Variants in MTMR2 observed in about 807,000 individuals in gnomAD.
The protein encoded by MTMR2 is myotubularin related protein 2.
MTMR2 carries 55 observed loss-of-function variants against 86.9 expected under a neutral mutation model. The observed-to-expected ratio is 0.63, with a 90% CI of 0.51 to 0.79. MTMR2 has a LOEUF of 0.79. Among genes scored for constraint, MTMR2 ranks in the 30% least tolerant of loss-of-function variants. MTMR2 has a pLI of 0.00. For missense variants in MTMR2, 659 were observed against 772.3 expected (o/e 0.85, Z 1.74); for synonymous variants, 241 against 266.8 (o/e 0.90, Z 0.94).
chr11:95,857,403 G>C (rs1486659357), intron 7 of MTMR2, 149 bp downstream of exon 7: 4 of 668,404 alleles, frequency 6.0e-6, no homozygotes, highest in Admixed American at 2.5e-5. Context: ...TACTAAAACA[G>C]ATTTCAAGAT....
At chr11:95,904,871 A>G (rs1328457661) in intron 1 of MTMR2, among the ~76,000 whole-genome samples, 5 of 152,172 alleles carry the variant, frequency 3.3e-5, no homozygotes, top group Non-Finnish European at 7.3e-5. Context: ...TTCCGGTAAT[A>G]TATATGCAGT....
chr11:95,880,982 G>T (rs994891760), intron 2 of MTMR2, among the ~76,000 whole-genome samples: 1 of 151,930 alleles, frequency 6.6e-6, no homozygotes, highest in Non-Finnish European at 1.5e-5. Flanking sequence ...TAATACCTTA[G>T]AGTCTTATTT....
At chr11:95,906,165 C>T (rs1186833455) in intron 1 of MTMR2, among the ~76,000 whole-genome samples, 2 of 152,146 alleles carry the variant, frequency 1.3e-5, no homozygotes, top group African/African-American at 4.8e-5. Flanking sequence ...GCAGAGGTTG[C>T]AGTGAGCCGA....
intron 1 of MTMR2, among the ~76,000 whole-genome samples, chr11:95,918,625 G>A (rs911804212): frequency 1.3e-5 from 2 of 152,128 alleles, no homozygotes; most frequent in Non-Finnish European, 2.9e-5. Flanking sequence ...TATGTTCAAT[G>A]TTTGATACAA....
In MTMR2 at chr11:95,845,023, T is replaced by C. The variant is rs1863718125; in HGVS notation, c.1316A>G (p.Tyr439Cys). The stretch of plus-strand genomic sequence containing the variant: ...GACTTCAAATCCTCGGATGGTTCGA[T>C]AGTATCCATCCAACATGAGCATGGC... ...SLAMLMLDGY[Y>C]RTIRGFEVLV... The change falls in exon 11 of 15, where the codon TAT becomes TGT. Residue 439 changes from tyrosine (Y) to cysteine (C), a missense_variant. Around this residue, in one of 3 missense-constraint regions of MTMR2, gnomAD observed 387 missense variants for 526.3 expected, o/e 0.74. Transcript: ENST00000346299. 10 of 1,613,828 alleles carry C rather than the reference T, an allele frequency of 6.2e-6. 1 individual carries two copies. The highest frequency in any genetic ancestry group is 2.2e-5 in the South Asian group (2 of 91,086).
chr11:95,911,997 C>T (rs1349006475), intron 1 of MTMR2, among the ~76,000 whole-genome samples: 1 of 151,578 alleles, frequency 6.6e-6, no homozygotes, highest in Non-Finnish European at 1.5e-5. Context: ...GTTTATTATA[C>T]AATTAATCTT....
chr11:95,907,434 C>A (rs1209706060), intron 1 of MTMR2, among the ~76,000 whole-genome samples: 1 of 151,738 alleles, frequency 6.6e-6, no homozygotes, highest in South Asian at 2.1e-4. Flanking sequence ...CTACTAGATG[C>A]ATAAAGAAGA....
chr11:95,852,720 C>T (rs139743764), intron 7 of MTMR2, among the ~76,000 whole-genome samples: 319 of 152,232 alleles, frequency 2.1e-3, no homozygotes, highest in Non-Finnish European at 4.0e-3. Context: ...GAACTACAGT[C>T]TTAATTAGAG....
chr11:95,860,454 T>A (rs923135764), intron 5 of MTMR2, among the ~76,000 whole-genome samples: 1 of 152,026 alleles, frequency 6.6e-6, no homozygotes, highest in Non-Finnish European at 1.5e-5. Context: ...TAAGCCAAGA[T>A]CACGCCACTG....
intron 11 of MTMR2, among the ~76,000 whole-genome samples, chr11:95,842,416 C>G (rs1863585007): frequency 6.6e-6 from 1 of 152,096 alleles, no homozygotes; most frequent in Admixed American, 6.6e-5. Context: ...TGAAGGGTAC[C>G]CCCTCCTATC....
intron 1 of MTMR2, among the ~76,000 whole-genome samples, chr11:95,902,214 GTTAT>G (rs1365434291): frequency 6.6e-6 from 1 of 152,064 alleles, no homozygotes; most frequent in African/African-American, 2.4e-5. Context: ...CATATAATTG[GTTAT>G]TTATTCAGCT....
chr11:95,884,864 C>G (rs1865460472), intron 2 of MTMR2, among the ~76,000 whole-genome samples: 1 of 152,064 alleles, frequency 6.6e-6, no homozygotes, highest in African/African-American at 2.4e-5. Context: ...AATGAGAAAA[C>G]TGGGTAACAT....
At chr11:95,919,758 C>T (rs12417555) in intron 1 of MTMR2, among the ~76,000 whole-genome samples, 46,445 of 152,002 alleles carry the variant, frequency 0.31, 11,915 homozygotes, top group African/African-American at 0.7. Flanking sequence ...AGAAGGAATC[C>T]TTTTTAATCC....
chr11:95,856,772 G>A (rs775162260), intron 7 of MTMR2, among the ~76,000 whole-genome samples: 2 of 151,870 alleles, frequency 1.3e-5, no homozygotes, highest in Non-Finnish European at 2.9e-5. Context: ...GAATGCTCCT[G>A]GGACAGCAAT....
At chr11:95,895,787 A>G (rs1192818000) in intron 1 of MTMR2, among the ~76,000 whole-genome samples, 1 of 152,270 alleles carries the variant, frequency 6.6e-6, no homozygotes, top group East Asian at 1.9e-4. Flanking sequence ...ATTTTTCCAC[A>G]CACAAAAAAA....
intron 1 of MTMR2, among the ~76,000 whole-genome samples, chr11:95,903,159 A>G (rs1259025397): frequency 6.6e-6 from 1 of 152,148 alleles, no homozygotes; most frequent in South Asian, 2.1e-4. Context: ...GACTGGCATT[A>G]CCAATTAACT....
rs762613780 is a variant in MTMR2 at position 95,838,171 on chromosome 11, T to C, written c.1516A>G (p.Ile506Val). 5.0e-6 allele frequency: 8 copies of C among 1,610,394 alleles called. No homozygotes were observed. The highest frequency in any genetic ancestry group is 6.8e-6 in the Non-Finnish European group (8 of 1,176,930). ...CTGTATAGGTGGTCCAAAATGGTAA[T>C]GAGAAAATACTCATTGAATTCAAAT... Reference protein sequence around the residue: ...TAFEFNEYFLITILDHLYSCL... With the variant: ...TAFEFNEYFLVTILDHLYSCL... The change falls in exon 13 of 15, where the codon ATT becomes GTT. Residue 506 changes from isoleucine to valine, a missense_variant. This residue lies in a region of MTMR2 where 193 missense variants were observed against 191.6 expected (regional missense o/e 1.01). Coordinates refer to ENST00000346299, the MANE Select transcript of MTMR2 (RefSeq NM_016156.6).
At chr11:95,899,967 T>TA (rs1270139040) in intron 1 of MTMR2, among the ~76,000 whole-genome samples, 1 of 152,168 alleles carries the variant, frequency 6.6e-6, no homozygotes, top group African/African-American at 2.4e-5. Context: ...CAAATAGTTC[T>TA]ATGTGCAGAG....
intron 1 of MTMR2, among the ~76,000 whole-genome samples, chr11:95,888,671 A>T (rs149325212): frequency 6.6e-6 from 1 of 152,224 alleles, no homozygotes; most frequent in East Asian, 1.9e-4. Context: ...ACAAGTAAAT[A>T]AAGTGGTGCA....
Sources: gnomAD v4.1 joint callset for allele counts (sites outside exome capture counted in the v4.1 genomes callset) on GRCh38, gnomAD v4.1.1 for gene constraint, gnomAD v4.1.1 regional missense constraint, MANE v1.5 for transcripts, NCBI Gene and HGNC (gene_info 2026-07-23, HGNC 2026-07-21) for gene names.